Variants in NLGN4X observed in about 807,000 individuals in gnomAD.
NLGN4X encodes neuroligin 4 X-linked, also known as neuroligin-4, X-linked.
A neutral mutation model predicts 40.3 loss-of-function variants in NLGN4X; 3 were observed. The ratio of observed to expected loss-of-function variants is 0.07; its 90% CI spans 0.03 to 0.19. The LOEUF (loss-of-function observed/expected upper bound fraction) is 0.19, where lower values mean the gene tolerates loss of function less well. Ranked by LOEUF, NLGN4X falls within the 10% of genes least tolerant of loss-of-function variation. NLGN4X has a pLI of 1.00. For synonymous variants in NLGN4X, 270 were observed against 306.8 expected, an observed-to-expected ratio of 0.88 and a Z score of 1.25; for missense variants, 382 against 708.3, an observed-to-expected ratio of 0.54 and a Z score of 5.23.
intron 3 of NLGN4X, among the ~76,000 whole-genome samples, chrX:5,978,263 C>T (rs1054766093): frequency 1.2e-4 from 13 of 108,094 alleles, no homozygotes; most frequent in Admixed American, 6.9e-4. Context: ...AAAAGACAGG[C>T]GTCTCTTTTT....
intron 2 of NLGN4X, among the ~76,000 whole-genome samples, chrX:6,042,730 T>TATACACACACAC (rs1215396694): frequency 3.0e-4 from 6 of 20,164 alleles, no homozygotes; most frequent in African/African-American, 9.5e-4. Context: ...TATATATATA[T>TATACACACACAC]ACACACACAC....
intron 1 of NLGN4X, among the ~76,000 whole-genome samples, chrX:6,198,145 A>G (rs921127120): frequency 9.0e-6 from 1 of 111,520 alleles, no homozygotes; most frequent in African/African-American, 3.3e-5. Context: ...CATTAGTCAA[A>G]GCATACAAAA....
At chrX:6,101,662 G>A (rs1448057559) in intron 2 of NLGN4X, among the ~76,000 whole-genome samples, 1 of 110,713 alleles carries the variant, frequency 9.0e-6, no homozygotes, top group Non-Finnish European at 1.9e-5. Flanking sequence ...GGGTTATCAG[G>A]CACTGGAAAG....
rs898569500 is a variant in NLGN4X at position 6,132,091 on chromosome X, A to C, written c.472+18904T>G. Among the ~76,000 whole-genome samples the C allele has an allele frequency of 3.6e-5, 4 of 111,909 alleles. 1 individual carries two copies. The South Asian group carries it at 1.5e-3, about 42-fold the overall frequency. ...GGAAGCAAACCTGTCCCCTCCCCAA[A>C]GTTGAGAACCACTGATATACACTAG... On this transcript the variant is annotated intron_variant, in intron 2 of 5. Coordinates refer to ENST00000381095, the MANE Select transcript of NLGN4X (RefSeq NM_181332.3).
intron 3 of NLGN4X, among the ~76,000 whole-genome samples, chrX:5,970,212 TA>T (rs34606025): frequency 3.8e-5 from 4 of 106,414 alleles, no homozygotes; most frequent in South Asian, 4.2e-4. Context: ...AATAATGATT[TA>T]AAAAAAAGGA....
At chrX:5,954,490 C>A (rs1443311210) in intron 3 of NLGN4X, among the ~76,000 whole-genome samples, 1 of 105,089 alleles carries the variant, frequency 9.5e-6, no homozygotes, top group Admixed American at 1.0e-4. Flanking sequence ...CTGCCTCGAC[C>A]TCCCAAAAGT....
intron 3 of NLGN4X, among the ~76,000 whole-genome samples, chrX:5,984,608 A>G (rs1157765416): frequency 8.9e-6 from 1 of 111,949 alleles, no homozygotes; most frequent in Admixed American, 9.5e-5. Context: ...AACTATCTTA[A>G]AGGTATCAGG....
chrX:5,923,420 C>A (rs1198756846), intron 3 of NLGN4X, among the ~76,000 whole-genome samples: 3 of 112,562 alleles, frequency 2.7e-5, no homozygotes, highest in Non-Finnish European at 5.6e-5. Context: ...GGATTACAGG[C>A]GTAAGCCACT....
rs969812610 is a variant in NLGN4X at position 6,082,949 on chromosome X, T to G, written c.473-53517A>C. On this transcript the variant is annotated intron_variant, in intron 2 of 5. Transcript: ENST00000381095. ...AAAAAAGAGATTTTGCCATGATGCG[T>G]TTTTTTCTTTTTTTTTTTTTTTTTT... Among the ~76,000 whole-genome samples, 411 of 64,857 alleles carry G rather than the reference T, an allele frequency of 6.3e-3. 6 individuals carry two copies. The highest frequency in any genetic ancestry group is 0.02 in the African/African-American group (384 of 18,802). The allele number at this position is 64,857 out of a possible 115,157, so 56.3% of individuals were successfully genotyped here. A position where few individuals can be genotyped will look rare whatever the true frequency, so the allele number is the denominator to read the frequency against.
chrX:5,972,564 T>C (rs2035055696), intron 3 of NLGN4X, among the ~76,000 whole-genome samples: 1 of 111,468 alleles, frequency 9.0e-6, no homozygotes, highest in African/African-American at 3.3e-5. Context: ...ACTAAACAAA[T>C]GAATGAAGCA....
At chrX:5,946,481 G>T (rs1257403450) in intron 3 of NLGN4X, among the ~76,000 whole-genome samples, 2 of 111,034 alleles carry the variant, frequency 1.8e-5, no homozygotes, top group Non-Finnish European at 3.8e-5. Context: ...TTTATGTAGA[G>T]AATCAAATTA....
chrX:6,107,983 G>A (rs775223097), intron 2 of NLGN4X, among the ~76,000 whole-genome samples: 10 of 111,550 alleles, frequency 9.0e-5, no homozygotes, highest in African/African-American at 2.0e-4. Context: ...TCCACAACTC[G>A]GCTATTGTAA....
intron 2 of NLGN4X, among the ~76,000 whole-genome samples, chrX:6,145,211 C>T (rs1213861533): frequency 9.0e-6 from 1 of 111,584 alleles, no homozygotes; most frequent in Non-Finnish European, 1.9e-5. Context: ...CCAATCAAAA[C>T]CCCGCCCTGG....
At chrX:6,063,391 G>T (rs761122502) in intron 2 of NLGN4X, among the ~76,000 whole-genome samples, 2 of 112,099 alleles carry the variant, frequency 1.8e-5, no homozygotes, top group South Asian at 7.5e-4. Flanking sequence ...AGGCTGATGT[G>T]AGAGTACTGC....
intron 2 of NLGN4X, among the ~76,000 whole-genome samples, chrX:6,073,407 ATTAAAC>A (rs1214173219): frequency 2.7e-5 from 3 of 112,709 alleles, no homozygotes; most frequent in Non-Finnish European, 5.6e-5. Context: ...TAAAATTAGA[ATTAAAC>A]TTAAGATTTA....
At chrX:5,907,098 T>C (rs1227656943) in intron 4 of NLGN4X, among the ~76,000 whole-genome samples, 1 of 110,249 alleles carries the variant, frequency 9.1e-6, no homozygotes, top group African/African-American at 3.3e-5. Context: ...AAAAATTCCA[T>C]GAAGGTTTTG....
At chrX:6,183,784 T>C (rs974385102) in intron 1 of NLGN4X, among the ~76,000 whole-genome samples, 4 of 111,946 alleles carry the variant, frequency 3.6e-5, no homozygotes, top group Non-Finnish European at 7.5e-5. Context: ...TTTAATTACT[T>C]TCTCAGATGG....
At chrX:6,188,431 G>A (rs1056443418) in intron 1 of NLGN4X, among the ~76,000 whole-genome samples, 1 of 111,460 alleles carries the variant, frequency 9.0e-6, no homozygotes, top group East Asian at 2.8e-4. Flanking sequence ...TAGAGATTGC[G>A]CGTGTATTTC....
chrX:5,919,054 T>G (rs1476235863), intron 3 of NLGN4X, among the ~76,000 whole-genome samples: 3 of 112,463 alleles, frequency 2.7e-5, no homozygotes, highest in Non-Finnish European at 5.6e-5. Context: ...GATTTCTCTC[T>G]GAGAATTAAT....
Sources: allele counts gnomAD v4.1 joint callset (sites outside exome capture counted in the v4.1 genomes callset), GRCh38; gene constraint gnomAD v4.1.1; transcripts MANE v1.5; gene names NCBI Gene and HGNC (gene_info 2026-07-23, HGNC 2026-07-21).